TMF1: variants seen among roughly 807,000 people sequenced by gnomAD.
The protein encoded by TMF1 is TATA element modulatory factor 1.
Under a neutral mutation model 126.5 loss-of-function variants are expected in TMF1, and 71 were observed. The observed-to-expected ratio is 0.56, with a 90% CI of 0.46 to 0.68. TMF1 has a LOEUF of 0.68. Ranked by LOEUF, TMF1 falls within the 30% of genes least tolerant of loss-of-function variation. TMF1 has a pLI of 0.00. For synonymous variants in TMF1, 461 were observed against 430.5 expected (o/e 1.07, Z -0.88); for missense variants, 1,259 against 1,253.2 (o/e 1.00, Z -0.07).
chr3:69,033,071 G>A (rs2107459816), intron 10 of TMF1, among the ~76,000 whole-genome samples: 1 of 151,896 alleles, frequency 6.6e-6, no homozygotes, highest in African/African-American at 2.4e-5. Context: ...GTCAGATTTA[G>A]CAATGGACAA....
intron 8 of TMF1, among the ~76,000 whole-genome samples, chr3:69,036,389 CA>C (rs1220147877): frequency 1.3e-5 from 2 of 151,978 alleles, no homozygotes; most frequent in Non-Finnish European, 2.9e-5. Flanking sequence ...GAGTGATCAT[CA>C]GGATATTTTA....
At position 69,026,532 on chromosome 3, in the gene TMF1, C is replaced by T. The variant is rs1423444554; in HGVS notation, c.2758-435G>A. 4.6e-5 allele frequency among the ~76,000 whole-genome samples: 7 copies of T among 152,230 alleles called. No individual in the cohort carries two copies. The East Asian group carries it at 7.7e-4, about 17-fold the overall frequency. ...CGCTTGAACCTGGGAGGTGAGGTTG[C>T]GGTGAGCCGAGATAGCGGTGGAGGT... is the stretch of plus-strand genomic sequence containing the variant. On this transcript the variant is annotated intron_variant, in intron 13 of 16. Transcript: ENST00000398559.
In TMF1 at chr3:69,027,870, C is replaced by G. The variant is rs764131276; in HGVS notation, c.2757+30G>C. 4 of 1,253,604 alleles carry G rather than the reference C, an allele frequency of 3.2e-6. No individual in the cohort carries two copies. The South Asian group carries it at 5.1e-5, about 16-fold the overall frequency. The allele number at this position is 1,253,604 out of a possible 1,614,324, so 77.7% of individuals were successfully genotyped here. A position where few individuals can be genotyped will look rare whatever the true frequency, so the allele number is the denominator to read the frequency against. On this transcript the variant is annotated intron_variant, in intron 13 of 16. Transcript: ENST00000398559. ...TCACAGCATCTACTAAATGGTTACACCACAAACAAACAAAAACAAAATTCA... is the reference window on the plus strand; with the variant it reads ...TCACAGCATCTACTAAATGGTTACAGCACAAACAAACAAAAACAAAATTCA...
intron 5 of TMF1, chr3:69,042,305 T>G (rs2091870724): frequency 2.2e-6 from 1 of 455,012 alleles, no homozygotes; most frequent in Non-Finnish European, 4.4e-6. Flanking sequence ...CCCCAAGTGC[T>G]GAGATTACAG....
chr3:69,025,723 T>G lies in TMF1; in HGVS notation c.2860-11A>C. On this transcript the variant is annotated splice_polypyrimidine_tract_variant and intron_variant, in intron 14 of 16. Coordinates refer to ENST00000398559, the MANE Select transcript of TMF1 (RefSeq NM_007114.3). ...ATCATGAGACTCATCCTATGTTAAT[T>G]AAGAAAGTTCACACAGTTACTCAGT... The G allele has an allele frequency of 6.2e-7, 1 of 1,608,718 alleles. No homozygotes were observed. Among genetic ancestry groups the G allele is most frequent in the Non-Finnish European group, 8.5e-7 (1 of 1,178,018 alleles).
intron 8 of TMF1, among the ~76,000 whole-genome samples, chr3:69,037,760 C>T (rs931436322): frequency 1.3e-5 from 2 of 151,862 alleles, no homozygotes; most frequent in Admixed American, 6.6e-5. Context: ...GAGCTGAGAT[C>T]GTGCCACTGT....
intron 11 of TMF1, among the ~76,000 whole-genome samples, chr3:69,029,048 T>G (rs570209311): frequency 5.3e-5 from 8 of 151,982 alleles, no homozygotes; most frequent in Non-Finnish European, 1.0e-4. Flanking sequence ...ATTTATTTTT[T>G]TTTTTTTGGA....
chr3:69,039,310 C>T (rs1399580485), intron 6 of TMF1, among the ~76,000 whole-genome samples: 5 of 152,096 alleles, frequency 3.3e-5, no homozygotes, highest in East Asian at 3.8e-4. Flanking sequence ...CCTTGTTGAC[C>T]GGGCTGATCT....
chr3:69,044,391 A>C, intron 3 of TMF1, 101 bp downstream of exon 3: 1 of 633,678 alleles, frequency 1.6e-6, no homozygotes, highest in Non-Finnish European at 2.6e-6. Context: ...ATAATGATAA[A>C]ATTACAAAAC....
In TMF1 at chr3:69,023,014, C is replaced by A; in HGVS notation, c.*163G>T. On this transcript the variant is annotated 3_prime_UTR_variant, in exon 17 of 17. Coordinates refer to ENST00000398559, the MANE Select transcript of TMF1 (RefSeq NM_007114.3). ...TCAAATATTGCACAAAATAATTTAA[C>A]TGTAAATATTACTACATAGTGTAAA... is the stretch of plus-strand genomic sequence containing the variant. 1 of 476,328 alleles carries A rather than the reference C, an allele frequency of 2.1e-6. No individual in the cohort carries two copies. Among genetic ancestry groups the A allele is most frequent in the Non-Finnish European group, 3.6e-6 (1 of 278,748 alleles). 29.5% of individuals were successfully genotyped at this position (476,328 alleles called of 1,614,324 possible). A position where few individuals can be genotyped will look rare whatever the true frequency, so the allele number is the denominator to read the frequency against.
chr3:69,043,784 T>C lies in TMF1; in HGVS notation c.1544A>G (p.Gln515Arg). The C allele has an allele frequency of 6.2e-7, 1 of 1,612,028 alleles. No individual in the cohort carries two copies. The highest frequency in any genetic ancestry group is 1.1e-5 in the South Asian group (1 of 90,470). ...AGCATCTCTCTCTTTGCAGGCTAGT[T>C]GAACTTTCTTTTCTGCTTCTGCAAT... is the stretch of plus-strand genomic sequence containing the variant. ...QRIAEAEKKV[Q>R]LACKERDAAK... Residue 515 changes from glutamine to arginine, a missense_variant, in exon 4 of 17, where the codon CAA becomes CGA. By Grantham distance (43) the Gln-to-Arg change is conservative. Coordinates refer to ENST00000398559, the MANE Select transcript of TMF1 (RefSeq NM_007114.3).
intron 2 of TMF1, 147 bp downstream of exon 2, chr3:69,047,211 A>G: frequency 1.2e-6 from 1 of 858,222 alleles, no homozygotes; most frequent in Non-Finnish European, 1.7e-6. Flanking sequence ...TTCAACTTCA[A>G]GGTACTTAAT....
chr3:69,035,287 A>T (rs2091825946), intron 8 of TMF1, 172 bp from the exon 9 acceptor site: 2 of 569,414 alleles, frequency 3.5e-6, no homozygotes, highest in Admixed American at 7.0e-5. Flanking sequence ...CAATTCTAAA[A>T]CTGTATGTAT....
chr3:69,048,311 T>C lies in TMF1; in HGVS notation c.394A>G (p.Ser132Gly), dbSNP rs1191341772. 6.2e-7 allele frequency: 1 copy of C among 1,614,242 alleles called. No individual in the cohort carries two copies. Among genetic ancestry groups the C allele is most frequent in the Non-Finnish European group, 8.5e-7 (1 of 1,180,046 alleles). ...CCAATGTGCAAGGATTCATGTAAGC[T>C]GCTTTTCACTTCTTCTTCTGGTCGT... Reference protein sequence around the residue: ...SQRPEEEVKSSLHESLHIGQS... With the variant: ...SQRPEEEVKSGLHESLHIGQS... The change falls in exon 2 of 17, where the codon AGC becomes GGC. Residue 132 changes from serine (S) to glycine (G), a missense_variant. Transcript: ENST00000398559.
intron 3 of TMF1, 151 bp from the exon 4 acceptor site, chr3:69,044,027 A>G (rs2091881582): frequency 1.2e-5 from 6 of 516,702 alleles, no homozygotes. Context: ...TTAAGAAAAA[A>G]AAAGGAAATT....
intron 8 of TMF1, among the ~76,000 whole-genome samples, chr3:69,037,245 C>T (rs946730600): frequency 1.3e-5 from 2 of 151,912 alleles, no homozygotes; most frequent in Non-Finnish European, 1.5e-5. Flanking sequence ...CTGTAATCCC[C>T]GCACTTTGGG....
intron 1 of TMF1, among the ~76,000 whole-genome samples, chr3:69,050,387 C>T (rs1478381478): frequency 6.6e-6 from 1 of 151,958 alleles, no homozygotes; most frequent in East Asian, 1.9e-4. Context: ...TTCATTTGCA[C>T]AATATCCAAA....
At chr3:69,049,373 C>T (rs577849719) in intron 1 of TMF1, among the ~76,000 whole-genome samples, 9 of 152,186 alleles carry the variant, frequency 5.9e-5, no homozygotes, top group Middle Eastern at 3.4e-3. Context: ...GAACCTGTCT[C>T]GAAAACAAAC....
rs1388182726 is a variant in TMF1 at position 69,026,038 on chromosome 3, A to G, written c.2817T>C (p.Ser939=). Residue 939 remains serine (S), a synonymous_variant, in exon 14 of 17, where the codon AGT becomes AGC. Transcript: ENST00000398559. The part of the protein sequence containing the change: ...TPTMSRSSSI[S]GVDMAGLQTS... ...TCTGTAGTCCTGCCATATCAACACC[A>G]CTTATTGAACTTGAGCGTGACATGG... 1.2e-6 allele frequency: 2 copies of G among 1,614,108 alleles called. No homozygotes were observed. Among genetic ancestry groups the G allele is most frequent in the Admixed American group, 3.3e-5 (2 of 60,026 alleles).
Sources: gnomAD v4.1 joint callset for allele counts (sites outside exome capture counted in the v4.1 genomes callset) on GRCh38, gnomAD v4.1.1 for gene constraint, MANE v1.5 for transcripts, NCBI Gene and HGNC (gene_info 2026-07-23, HGNC 2026-07-21) for gene names.